Variants in KIFC3 observed in about 807,000 individuals in gnomAD.
KIFC3 encodes the protein kinesin family member C3.
A neutral mutation model predicts 101.8 loss-of-function variants in KIFC3; 60 were observed. The ratio of observed to expected loss-of-function variants is 0.59; its 90% CI spans 0.48 to 0.73. The LOEUF is 0.73. Ranked by LOEUF, KIFC3 falls within the 30% of genes least tolerant of loss-of-function variation. The pLI is 0.00. For synonymous variants in KIFC3, 476 were observed against 482.7 expected (o/e 0.99, Z 0.18); for missense variants, 966 against 1,137.1 (o/e 0.85, Z 2.16).
chr16:57,832,381 C>T (rs903621228), intron 1 of KIFC3, among the ~76,000 whole-genome samples: 6 of 122,086 alleles, frequency 4.9e-5, no homozygotes, highest in African/African-American at 1.9e-4. Flanking sequence ...TAGAACGCAT[C>T]AGCGCAATCT....
At chr16:57,860,097 A>AAAATAAAATAAT (rs1264307078) in intron 1 of KIFC3, among the ~76,000 whole-genome samples, 3 of 123,518 alleles carry the variant, frequency 2.4e-5, no homozygotes, top group African/African-American at 7.9e-5. Context: ...TAAAATAAAA[A>AAAATAAAATAAT]CAAGTGGGGC....
chr16:57,802,567 G>C (rs1309557557), upstream of KIFC3: 1 of 992,630 alleles, frequency 1.0e-6, no homozygotes, highest in African/African-American at 1.7e-5. This position sits in a 1 kb window ranked among gnomAD's most constrained non-coding sequence, Gnocchi z 5.0. Flanking sequence ...GACCCCGGCG[G>C]GGGGCGGCGG....
chr16:57,816,170 G>A, intron 1 of KIFC3: 1 of 1,251,780 alleles, frequency 8.0e-7, no homozygotes, highest in Non-Finnish European at 1.0e-6. Flanking sequence ...AGGGGAGGGT[G>A]CTCCCACTTC....
intron 9 of KIFC3, among the ~76,000 whole-genome samples, chr16:57,767,243 A>G (rs2050597805): frequency 6.6e-6 from 1 of 152,232 alleles, no homozygotes; most frequent in Admixed American, 6.5e-5. Context: ...GCCAGGACTC[A>G]GCCCTCCACA....
At chr16:57,783,968 C>T (rs1306455214) in intron 3 of KIFC3, among the ~76,000 whole-genome samples, 10 of 152,244 alleles carry the variant, frequency 6.6e-5, no homozygotes, top group Non-Finnish European at 7.3e-5. Context: ...TCCTTTTGCA[C>T]TGGCTAGGCC....
intron 1 of KIFC3, among the ~76,000 whole-genome samples, chr16:57,839,937 C>T (rs2149309799): frequency 6.6e-6 from 1 of 152,274 alleles, no homozygotes; most frequent in Non-Finnish European, 1.5e-5. Context: ...CTCTCCGCTG[C>T]CTAACAGACT....
Position 57,810,336 on chromosome 16 carries a change from C to T in KIFC3, c.109-12054G>A, listed in dbSNP as rs542629001. On this transcript the variant is annotated intron_variant, in intron 1 of 2. Coordinates refer to the KIFC3 transcript ENST00000563028. ...TGCTGCTGCCTTTAAACTGTAGCTT[C>T]GCTTTGCTGAGGTTCTGTGGTGCGC... 7.9e-5 allele frequency among the ~76,000 whole-genome samples: 12 copies of T among 152,332 alleles called. No individual in the cohort carries two copies. In the South Asian group the frequency reaches 1.7e-3, roughly 21 times the overall value.
chr16:57,803,163 G>T, upstream of KIFC3: 1 of 844,472 alleles, frequency 1.2e-6, no homozygotes, highest in Non-Finnish European at 1.9e-6. Context: ...GCTGCCTGGA[G>T]TCCCTTAAGG....
At chr16:57,771,789 G>T in intron 4 of KIFC3, 103 bp from the exon 5 acceptor site, 1 of 1,380,038 alleles carries the variant, frequency 7.2e-7, no homozygotes, top group Non-Finnish European at 9.7e-7. Flanking sequence ...AGAGAGGAGA[G>T]GTGTGGAGAA....
chr16:57,801,525 G>A (rs1555625515), intron 1 of KIFC3, among the ~76,000 whole-genome samples: 1 of 152,142 alleles, frequency 6.6e-6, no homozygotes, highest in Non-Finnish European at 1.5e-5. Flanking sequence ...TCAAGGAGAC[G>A]GCTACTCTAA....
At chr16:57,801,960 C>A (rs2054754559) in intron 1 of KIFC3, among the ~76,000 whole-genome samples, 1 of 152,234 alleles carries the variant, frequency 6.6e-6, no homozygotes, top group Non-Finnish European at 1.5e-5. Flanking sequence ...AAAGCGAACT[C>A]CCCAAGGGAC....
At chr16:57,838,714 C>T (rs575049626) in intron 1 of KIFC3, among the ~76,000 whole-genome samples, 22 of 152,308 alleles carry the variant, frequency 1.4e-4, no homozygotes, top group Middle Eastern at 3.4e-3. Flanking sequence ...ATCAGGGTTA[C>T]GCTTGATCAT....
At chr16:57,802,622 G>A, upstream of KIFC3, 1 of 1,054,874 alleles carries the variant, frequency 9.5e-7, no homozygotes, top group Non-Finnish European at 1.2e-6. This position sits in a 1 kb window ranked among gnomAD's most constrained non-coding sequence, Gnocchi z 5.0. Context: ...CGTCAGCCCG[G>A]GCGCGCCCCC....
chr16:57,844,434 GAA>G (rs66460592), intron 1 of KIFC3, among the ~76,000 whole-genome samples: 52 of 117,948 alleles, frequency 4.4e-4, no homozygotes, highest in East Asian at 3.0e-3. Flanking sequence ...CAGTCTCAGG[GAA>G]AAAAAAAAAA....
At chr16:57,796,748 A>G (rs1056675940) in intron 2 of KIFC3, among the ~76,000 whole-genome samples, 65 of 151,982 alleles carry the variant, frequency 4.3e-4, no homozygotes, top group African/African-American at 1.6e-3. Context: ...ATATGCATGC[A>G]CACACACACA....
rs140220457 is a variant in KIFC3 at position 57,762,449 on chromosome 16, A to G, written c.1618-179T>C. 9.1e-4 allele frequency among the ~76,000 whole-genome samples: 138 copies of G among 152,128 alleles called. 2 individuals carry two copies. The East Asian group carries it at 0.017, about 19-fold the overall frequency. On this transcript the variant is annotated intron_variant, in intron 12 of 19. Coordinates refer to ENST00000445690, the MANE Select transcript of KIFC3 (RefSeq NM_001130100.2). ...ACCAGCTGCGGGCAACTGCACCTCT[A>G]TTTCCCCACCATTAAAATGGCATCG...
At chr16:57,808,731 T>TA (rs1206215449) in intron 1 of KIFC3, among the ~76,000 whole-genome samples, 2 of 152,136 alleles carry the variant, frequency 1.3e-5, no homozygotes, top group Non-Finnish European at 2.9e-5. Context: ...GAGAGATGGC[T>TA]AAAGGTGGTT....
intron 1 of KIFC3, among the ~76,000 whole-genome samples, chr16:57,844,334 G>A (rs2055871889): frequency 1.3e-5 from 2 of 151,038 alleles, no homozygotes; most frequent in Non-Finnish European, 2.9e-5. Context: ...GGAGGGTGAG[G>A]CAGGAAAATT....
chr16:57,817,417 C>T (rs1366668349), intron 1 of KIFC3, among the ~76,000 whole-genome samples: 1 of 151,990 alleles, frequency 6.6e-6, no homozygotes, highest in Non-Finnish European at 1.5e-5. Context: ...TATTCTCTTA[C>T]AGCTCTAGAG....
Sources: gnomAD v4.1 joint callset for allele counts (sites outside exome capture counted in the v4.1 genomes callset) on GRCh38, gnomAD v4.1.1 for gene constraint, Gnocchi (gnomAD v3.1) non-coding constraint, MANE v1.5 for transcripts, NCBI Gene and HGNC (gene_info 2026-07-23, HGNC 2026-07-21) for gene names.